The following GPC6 variants were observed in gnomAD, a reference collection of about 807,000 sequenced individuals.
GPC6 encodes the protein glypican-6.
Under a neutral mutation model 55.2 loss-of-function variants are expected in GPC6, and 14 were observed. That is an observed-to-expected ratio of 0.25 (90% CI 0.17 to 0.40). The LOEUF (loss-of-function observed/expected upper bound fraction) is 0.40, where lower values mean the gene tolerates loss of function less well. Ranked by LOEUF, GPC6 falls within the 10% of genes least tolerant of loss-of-function variation. GPC6 has a pLI of 1.00. For synonymous variants in GPC6, 278 were observed against 259.6 expected, an observed-to-expected ratio of 1.07 and a Z score of -0.68; for missense variants, 641 against 708.5, an observed-to-expected ratio of 0.90 and a Z score of 1.08.
At chr13:93,916,707 C>T (rs1044338605) in intron 3 of GPC6, among the ~76,000 whole-genome samples, 3 of 151,486 alleles carry the variant, frequency 2.0e-5, no homozygotes, top group African/African-American at 4.9e-5. Context: ...TAAGTTAATA[C>T]GAAACTGTGT....
the GPC6 span, among the ~76,000 whole-genome samples, chr13:93,219,739 G>C: frequency 1.3e-5 from 2 of 152,072 alleles, no homozygotes; most frequent in East Asian, 1.9e-4. Context: ...ATTATTAAAA[G>C]TAATGTCATA....
intron 3 of GPC6, among the ~76,000 whole-genome samples, chr13:93,960,815 CTT>C (rs58063943): frequency 1.1e-4 from 13 of 122,206 alleles, no homozygotes; most frequent in Non-Finnish European, 8.8e-5. Flanking sequence ...TTTTTTTTTT[CTT>C]TTTTTTTTTT....
chr13:94,303,281 G>A (rs764682799), intron 5 of GPC6, among the ~76,000 whole-genome samples: 1 of 152,194 alleles, frequency 6.6e-6, no homozygotes, highest in African/African-American at 2.4e-5. Flanking sequence ...GCTCTTAGGC[G>A]ATAGATGATT....
chr13:94,250,932 G>A (rs1005785139), intron 4 of GPC6, among the ~76,000 whole-genome samples: 1 of 152,058 alleles, frequency 6.6e-6, no homozygotes, highest in Non-Finnish European at 1.5e-5. Flanking sequence ...AGGGATTTTC[G>A]ACATTGATGC....
At chr13:93,986,179 G>A (rs1881021448) in intron 3 of GPC6, among the ~76,000 whole-genome samples, 1 of 152,034 alleles carries the variant, frequency 6.6e-6, no homozygotes, top group African/African-American at 2.4e-5. Flanking sequence ...CTTATACCTA[G>A]AATTTTATCA....
At chr13:93,658,336 G>A (rs1880774742) in intron 2 of GPC6, among the ~76,000 whole-genome samples, 1 of 151,776 alleles carries the variant, frequency 6.6e-6, no homozygotes, top group African/African-American at 2.4e-5. Context: ...TATCTGCATT[G>A]CTGTATATGA....
At chr13:93,864,645 A>AT (rs1888907494) in intron 3 of GPC6, among the ~76,000 whole-genome samples, 1 of 151,750 alleles carries the variant, frequency 6.6e-6, no homozygotes, top group Admixed American at 6.6e-5. Flanking sequence ...TTGTTATCTC[A>AT]TTTTATCTTC....
At chr13:93,917,854 T>G (rs767881601) in intron 3 of GPC6, among the ~76,000 whole-genome samples, 3 of 152,134 alleles carry the variant, frequency 2.0e-5, no homozygotes, top group Non-Finnish European at 4.4e-5. Flanking sequence ...ATCCCAGCAC[T>G]TTGGGAGGCT....
intron 4 of GPC6, among the ~76,000 whole-genome samples, chr13:94,186,242 TAGG>T (rs572324467): frequency 6.6e-6 from 1 of 152,218 alleles, no homozygotes; most frequent in South Asian, 2.1e-4. Flanking sequence ...ATTATTGGAA[TAGG>T]AGTTTACCAG....
chr13:93,834,784 T>G (rs558161806), intron 3 of GPC6, among the ~76,000 whole-genome samples: 2 of 152,298 alleles, frequency 1.3e-5, no homozygotes, highest in Non-Finnish European at 2.9e-5. Flanking sequence ...AGCAAGTCAG[T>G]TTCCATGTTC....
intron 7 of GPC6, among the ~76,000 whole-genome samples, chr13:94,393,161 A>C (rs2139221172): frequency 6.6e-6 from 1 of 152,326 alleles, no homozygotes; most frequent in Non-Finnish European, 1.5e-5. Context: ...AGACCCTTGA[A>C]ACCACATGTG....
At chr13:94,397,198 G>C (rs182216841) in intron 7 of GPC6, among the ~76,000 whole-genome samples, 1 of 152,092 alleles carries the variant, frequency 6.6e-6, no homozygotes, top group East Asian at 1.9e-4. Context: ...AGGCTACAGG[G>C]GGGTGTCTCT....
intron 1 of GPC6, among the ~76,000 whole-genome samples, chr13:93,261,925 TACACACAC>T (rs34841808): frequency 0.15 from 21,450 of 144,488 alleles, 1,491 homozygotes; most frequent in Admixed American, 0.21. Context: ...TCTCTCCCTC[TACACACAC>T]ACACACACAC....
intron 1 of GPC6, among the ~76,000 whole-genome samples, chr13:93,306,825 C>T (rs992804404): frequency 2.6e-5 from 4 of 152,086 alleles, no homozygotes; most frequent in South Asian, 2.1e-4. Context: ...AATTTTGTAG[C>T]GTGTGGTTCA....
intron 6 of GPC6, among the ~76,000 whole-genome samples, chr13:94,330,233 G>A (rs1365460989): frequency 6.6e-6 from 1 of 151,514 alleles, no homozygotes; most frequent in Non-Finnish European, 1.5e-5. Flanking sequence ...ATAATTTTTA[G>A]GATCATTTTC....
At chr13:93,567,271 A>G (rs996340733) in intron 2 of GPC6, among the ~76,000 whole-genome samples, 4 of 152,176 alleles carry the variant, frequency 2.6e-5, no homozygotes, top group African/African-American at 9.7e-5. Context: ...TGGAGTGACT[A>G]CCTTGTTTGT....
At chr13:93,359,452 C>T (rs1880970469) in intron 1 of GPC6, among the ~76,000 whole-genome samples, 1 of 152,036 alleles carries the variant, frequency 6.6e-6, no homozygotes, top group Non-Finnish European at 1.5e-5. Flanking sequence ...CATGAGATTA[C>T]AAGCTTTGAG....
At chr13:93,851,599 A>T (rs1888401783) in intron 3 of GPC6, among the ~76,000 whole-genome samples, 3 of 151,900 alleles carry the variant, frequency 2.0e-5, no homozygotes, top group African/African-American at 7.2e-5. Flanking sequence ...CACTGACTGT[A>T]ACCTTTAAAT....
At chr13:93,378,448 A>C (rs975686959) in intron 1 of GPC6, among the ~76,000 whole-genome samples, 9 of 152,158 alleles carry the variant, frequency 5.9e-5, no homozygotes, top group Non-Finnish European at 1.2e-4. Context: ...ACTAGTTTCC[A>C]TATAACACAA....
Sources: allele counts gnomAD v4.1 joint callset (sites outside exome capture counted in the v4.1 genomes callset), GRCh38; gene constraint gnomAD v4.1.1; transcripts MANE v1.5; gene names NCBI Gene and HGNC (gene_info 2026-07-23, HGNC 2026-07-21).